Variants in RP1 observed in about 807,000 individuals in gnomAD.
The protein encoded by RP1 is RP1 axonemal microtubule associated, also known as oxygen-regulated protein 1.
In RP1, 16 loss-of-function variants were observed where a neutral mutation model predicts 14.8. That is an observed-to-expected ratio of 1.08 (90% confidence interval 0.73 to 1.65). The LOEUF is 1.65. RP1 is among the 40% of genes most tolerant of loss of function. The pLI, the probability that RP1 is intolerant of heterozygous loss-of-function variation, is 0.00. For synonymous variants in RP1, 876 were observed against 883.6 expected (o/e 0.99, Z 0.15); for missense variants, 2,631 against 2,535.0 (o/e 1.04, Z -0.81).
At chr8:54,709,275 G>A (rs1417694175) in intron 15 of RP1, among the ~76,000 whole-genome samples, 1 of 152,224 alleles carries the variant, frequency 6.6e-6, no homozygotes, top group Admixed American at 6.5e-5. Context: ...TGAGTGAGTG[G>A]CTCTGAAATG....
intron 4 of RP1, among the ~76,000 whole-genome samples, chr8:54,650,527 C>T (rs1338990014): frequency 6.6e-6 from 1 of 152,148 alleles, no homozygotes; most frequent in Non-Finnish European, 1.5e-5. Context: ...CAATCACTAT[C>T]TACTTTCATA....
chr8:54,670,386 C>T (rs1251595936), intron 7 of RP1, among the ~76,000 whole-genome samples: 2 of 150,438 alleles, frequency 1.3e-5, no homozygotes, highest in African/African-American at 4.9e-5. Context: ...GTCTATTTCT[C>T]CCTTCAATTT....
chr8:54,840,380 G>A (rs764496194), intron 25 of RP1, among the ~76,000 whole-genome samples: 9 of 151,834 alleles, frequency 5.9e-5, no homozygotes, highest in Non-Finnish European at 8.8e-5. Flanking sequence ...AGCCTCCTGA[G>A]TAGCTGGGAT....
chr8:54,662,534 G>A (rs1667677544), intron 6 of RP1, among the ~76,000 whole-genome samples: 1 of 152,108 alleles, frequency 6.6e-6, no homozygotes, highest in African/African-American at 2.4e-5. Flanking sequence ...TTCTTCCTAG[G>A]CACAAGGATG....
intron 15 of RP1, among the ~76,000 whole-genome samples, chr8:54,713,363 C>CT (rs1242800198): frequency 1.3e-5 from 2 of 151,938 alleles, no homozygotes; most frequent in African/African-American, 4.8e-5. Context: ...GAAAAATAAA[C>CT]TTTAAAATAA....
intron 21 of RP1, among the ~76,000 whole-genome samples, chr8:54,758,456 AGGAGGGAG>A (rs535476830): frequency 2.6e-5 from 3 of 114,292 alleles, no homozygotes; most frequent in Admixed American, 2.1e-4. Flanking sequence ...GAGGGAGGGA[AGGAGGGAG>A]GGAGGGAGGG....
At chr8:54,795,236 C>G (rs2129386402) in intron 24 of RP1, among the ~76,000 whole-genome samples, 1 of 152,080 alleles carries the variant, frequency 6.6e-6, no homozygotes, top group South Asian at 2.1e-4. Context: ...GTGTATATAT[C>G]TGAAGGAAAC....
intron 1 of RP1, among the ~76,000 whole-genome samples, chr8:54,570,304 G>C (rs1306898063): frequency 1.3e-5 from 2 of 151,370 alleles, no homozygotes; most frequent in Non-Finnish European, 2.9e-5. Flanking sequence ...TGGGTGTTCA[G>C]TATTCTGTGA....
At chr8:54,699,722 A>G (rs1807967195) in intron 13 of RP1, among the ~76,000 whole-genome samples, 3 of 152,256 alleles carry the variant, frequency 2.0e-5, no homozygotes, top group African/African-American at 7.2e-5. Context: ...TGAGACTGTG[A>G]TGCATAAATG....
At chr8:54,745,729 T>C (rs1020393030) in intron 19 of RP1, among the ~76,000 whole-genome samples, 2 of 151,996 alleles carry the variant, frequency 1.3e-5, no homozygotes, top group East Asian at 3.8e-4. Context: ...GGAAAATGAA[T>C]GCATGTTTCA....
intron 16 of RP1, among the ~76,000 whole-genome samples, chr8:54,725,199 C>T (rs867882629): frequency 9.2e-5 from 14 of 152,252 alleles, no homozygotes; most frequent in Middle Eastern, 3.4e-3. Flanking sequence ...GGTAAATGAA[C>T]TCTTAGTTAT....
chr8:54,621,707 G>A, intron 2 of RP1, 126 bp downstream of exon 2: 1 of 1,376,928 alleles, frequency 7.3e-7, no homozygotes, highest in Non-Finnish European at 1.0e-6. Context: ...GTGTATGTGA[G>A]TGTGTGTGCT....
chr8:54,628,859 T>A lies in RP1; in HGVS notation c.4977T>A (p.Tyr1659Ter). 1 of 1,614,196 alleles carries A rather than the reference T, an allele frequency of 6.2e-7. No homozygotes were observed. ...GSTRKSQVCPYNSVEFQCSRK... is the reference protein window; with the variant it reads ...GSTRKSQVCP The stretch of plus-strand genomic sequence containing the variant: ...CCCGCAAATCTCAGGTTTGTCCTTA[T>A]AATTCTGTGGAATTTCAGTGTTCCA... Residue 1659 changes from tyrosine (Y) to a stop codon, truncating the protein, a stop_gained, in exon 4 of 4, where the codon TAT becomes TAA. Transcript: ENST00000220676. LOFTEE classifies it low-confidence loss of function (END_TRUNC).
chr8:54,619,723 A>C (rs1001786137), intron 1 of RP1, among the ~76,000 whole-genome samples: 1 of 152,264 alleles, frequency 6.6e-6, no homozygotes, highest in Non-Finnish European at 1.5e-5. Flanking sequence ...GCTGTCATTC[A>C]TTCAAAGGAC....
chr8:54,683,829 TAA>T (rs1050291117), intron 12 of RP1, among the ~76,000 whole-genome samples: 2 of 152,106 alleles, frequency 1.3e-5, no homozygotes, highest in Non-Finnish European at 2.9e-5. Flanking sequence ...GGACTTCCAA[TAA>T]TATGTTGAAT....
intron 3 of RP1, among the ~76,000 whole-genome samples, chr8:54,638,455 A>G (rs901736760): frequency 6.7e-6 from 1 of 148,918 alleles, no homozygotes; most frequent in African/African-American, 2.5e-5. Flanking sequence ...AAAAAAAAAC[A>G]TACCGTTATT....
At chr8:54,561,746 A>C (rs1434562034) in intron 1 of RP1, 1 of 152,218 alleles carries the variant, frequency 6.6e-6, no homozygotes, top group Non-Finnish European at 1.5e-5. Context: ...ATCTAACAGA[A>C]AAAGATCAAT....
At chr8:54,633,172 C>G (rs986172382), downstream of RP1, among the ~76,000 whole-genome samples, 57 of 152,154 alleles carry the variant, frequency 3.7e-4, no homozygotes, top group African/African-American at 1.3e-3. Context: ...GAAGAAGCAG[C>G]AGTGTTCAGA....
Position 54,627,546 on chromosome 8 carries a change from A to C in RP1, c.3664A>C (p.Lys1222Gln). The C allele has an allele frequency of 6.2e-7, 1 of 1,614,166 alleles. No homozygotes were observed. Among genetic ancestry groups the C allele is most frequent in the Non-Finnish European group, 8.5e-7 (1 of 1,179,982 alleles). ...CACGGTCAACATTCAGAGTGTTCCT[A>C]AGTGCAGTGAAAATGAAAGAACACA... is the stretch of plus-strand genomic sequence containing the variant. Reference protein sequence around the residue: ...CSTVNIQSVPKCSENERTQGI... With the variant: ...CSTVNIQSVPQCSENERTQGI... The change falls in exon 4 of 4, where the codon AAG (lysine) becomes CAG (glutamine). Residue 1222 changes from lysine (K) to glutamine (Q), a missense_variant. Coordinates refer to ENST00000220676, the MANE Select transcript of RP1 (RefSeq NM_006269.2).
Sources: allele counts gnomAD v4.1 joint callset (sites outside exome capture counted in the v4.1 genomes callset), GRCh38; gene constraint gnomAD v4.1.1; transcripts MANE v1.5; gene names NCBI Gene and HGNC (gene_info 2026-07-23, HGNC 2026-07-21).